Variants in PRKN observed in about 807,000 individuals in gnomAD.
PRKN encodes the protein E3 ubiquitin-protein ligase parkin.
In PRKN, 56 loss-of-function variants were observed where a neutral mutation model predicts 59.5. That is an observed-to-expected ratio of 0.94 (90% CI 0.76 to 1.18). The LOEUF is 1.18. PRKN is among the 50% of genes most tolerant of loss of function. The probability of loss-of-function intolerance (pLI) is 0.00; values close to 1 mark genes in which losing one functional copy is unlikely to be tolerated. For missense variants in PRKN, 657 were observed against 596.4 expected (o/e 1.10, Z -1.06); for synonymous variants, 250 against 222.1 (o/e 1.13, Z -1.12).
rs959188620 is a variant in PRKN at position 161,348,413 on chromosome 6, A to G, written c.*1686T>C. On this transcript the variant is annotated 3_prime_UTR_variant, in exon 12 of 12. Coordinates refer to ENST00000366898, the MANE Select transcript of PRKN (RefSeq NM_004562.3). This position sits in a 1 kb window ranked among gnomAD's most constrained non-coding sequence, Gnocchi z 4.9. ...ACAGGTCTGTTGTCACCGTGGGGCCATGTTGGAGTCGGTAGATTTTCAGAC... is the reference window on the plus strand; with the variant it reads ...ACAGGTCTGTTGTCACCGTGGGGCCGTGTTGGAGTCGGTAGATTTTCAGAC... The G allele has an allele frequency of 4.5e-6, 1 of 223,846 alleles. No homozygotes were observed. Among genetic ancestry groups the G allele is most frequent in the South Asian group, 1.8e-4 (1 of 5,438 alleles). The allele number at this position is 223,846 out of a possible 1,614,324, so 13.9% of individuals were successfully genotyped here.
At chr6:161,350,613 A>T (rs1276883202) in intron 11 of PRKN, among the ~76,000 whole-genome samples, 5 of 116,856 alleles carry the variant, frequency 4.3e-5, no homozygotes, top group Non-Finnish European at 6.4e-5. Flanking sequence ...TTATATTTAA[A>T]ATATATATAT....
At chr6:162,481,197 A>C in intron 1 of PRKN, among the ~76,000 whole-genome samples, 1 of 152,134 alleles carries the variant, frequency 6.6e-6, no homozygotes, top group South Asian at 2.1e-4. Context: ...GGAAAAGTGA[A>C]GCTTTCAAAA....
chr6:162,095,004 A>G (rs555278872), intron 4 of PRKN, among the ~76,000 whole-genome samples: 1 of 152,252 alleles, frequency 6.6e-6, no homozygotes, highest in Non-Finnish European at 1.5e-5. Flanking sequence ...GGGTACATGG[A>G]CAGTCACACA....
chr6:162,411,760 T>C (rs1057403092), intron 2 of PRKN, among the ~76,000 whole-genome samples: 8 of 152,150 alleles, frequency 5.3e-5, no homozygotes, highest in Non-Finnish European at 7.3e-5. Flanking sequence ...AATATAACCA[T>C]TGAAGCAAAC....
chr6:161,829,103 G>A (rs551715828), intron 6 of PRKN, among the ~76,000 whole-genome samples: 1 of 152,240 alleles, frequency 6.6e-6, no homozygotes, highest in African/African-American at 2.4e-5. Context: ...GCATGTGCCT[G>A]TAATCCCAGC....
intron 2 of PRKN, among the ~76,000 whole-genome samples, chr6:162,351,809 T>C (rs1441402732): frequency 6.6e-6 from 1 of 152,138 alleles, no homozygotes; most frequent in Non-Finnish European, 1.5e-5. Context: ...AAAATGTATA[T>C]ACCCTGAGGT....
intron 2 of PRKN, among the ~76,000 whole-genome samples, chr6:162,373,013 T>G (rs1785856258): frequency 6.6e-6 from 1 of 152,088 alleles, no homozygotes; most frequent in Non-Finnish European, 1.5e-5. Context: ...CAGGAGTACT[T>G]TTTCAGGTCA....
rs1789575159 is a variant in PRKN, at chr6:161,448,106, T to C, written c.1084-61229A>G. Among the ~76,000 whole-genome samples, 1 of 152,166 alleles carries C rather than the reference T, an allele frequency of 6.6e-6. No individual in the cohort carries two copies. The highest frequency in any genetic ancestry group is 1.5e-5 in the Non-Finnish European group (1 of 68,020). Reference sequence around the variant, plus strand: ...GTGAAGTCAACAGTAGCCAATCAAATCTTACATCTGTGTGTTAGCCGTTGT... The same window carrying C: ...GTGAAGTCAACAGTAGCCAATCAAACCTTACATCTGTGTGTTAGCCGTTGT... On this transcript the variant is annotated intron_variant, in intron 9 of 11. Coordinates refer to ENST00000366898, the MANE Select transcript of PRKN (RefSeq NM_004562.3). This position sits in a 1 kb window ranked among gnomAD's most constrained non-coding sequence, Gnocchi z 5.1.
At chr6:161,898,595 T>C (rs1583316615) in intron 6 of PRKN, among the ~76,000 whole-genome samples, 2 of 152,174 alleles carry the variant, frequency 1.3e-5, no homozygotes, top group African/African-American at 4.8e-5. Context: ...TAAATGGATG[T>C]TTTCAAAGCT....
At chr6:161,924,263 CT>C (rs1283065017) in intron 6 of PRKN, among the ~76,000 whole-genome samples, 1 of 152,180 alleles carries the variant, frequency 6.6e-6, no homozygotes, top group Non-Finnish European at 1.5e-5. Flanking sequence ...CGGGCCTCAT[CT>C]TTAACCTCAC....
chr6:161,807,071 T>C lies in PRKN; in HGVS notation c.735-21163A>G, dbSNP rs376419601. ...AACTTTAAAAATAGTCTAAAGGTAC[T>C]AAAAATGATTTCATGTTTTTCTCAG... On this transcript the variant is annotated intron_variant, in intron 6 of 11. Coordinates refer to ENST00000366898, the MANE Select transcript of PRKN (RefSeq NM_004562.3). Among the ~76,000 whole-genome samples the C allele has an allele frequency of 8.5e-5, 13 of 152,228 alleles. No individual in the cohort carries two copies. The East Asian group carries it at 9.6e-4, about 11-fold the overall frequency.
chr6:161,404,593 G>C (rs531348077), intron 9 of PRKN, among the ~76,000 whole-genome samples: 1 of 152,314 alleles, frequency 6.6e-6, no homozygotes, highest in Admixed American at 6.5e-5. Flanking sequence ...TCAAAATTAA[G>C]AGAACAAAAA....
intron 1 of PRKN, among the ~76,000 whole-genome samples, chr6:162,474,971 C>A (rs187132251): frequency 1.3e-5 from 2 of 152,202 alleles, no homozygotes; most frequent in East Asian, 1.9e-4. Flanking sequence ...AAAATGAAAT[C>A]GATTTTTTAA....
At chr6:162,580,319 TC>T (rs1168721201) in intron 1 of PRKN, among the ~76,000 whole-genome samples, 1 of 151,782 alleles carries the variant, frequency 6.6e-6, no homozygotes, top group African/African-American at 2.4e-5. Flanking sequence ...ATGCCTGCAG[TC>T]CCGGCTACTT....
chr6:161,690,423 G>C (rs1201180537), intron 7 of PRKN, among the ~76,000 whole-genome samples: 1 of 152,214 alleles, frequency 6.6e-6, no homozygotes, highest in Non-Finnish European at 1.5e-5. Context: ...CTTACAAGAG[G>C]AAGAATCTGG....
In PRKN at chr6:162,358,249, T is replaced by G. The variant is rs76050657; in HGVS notation, c.171+85061A>C. Among the ~76,000 whole-genome samples the G allele has an allele frequency of 1.1e-3, 174 of 152,314 alleles. 2 individuals carry two copies. Among genetic ancestry groups the G allele is most frequent in the African/African-American group, 4.1e-3 (170 of 41,574 alleles). ...CCTAAAATTACAGACAAAAGTTAGT[T>G]TATGAATTTTAATAAACAGTTTGGA... On this transcript the variant is annotated intron_variant, in intron 2 of 11. Coordinates refer to ENST00000366898, the MANE Select transcript of PRKN (RefSeq NM_004562.3).
rs1051925869 is a variant in PRKN, at chr6:161,363,757, C to G, written c.1168-3552G>C. ...ATCTTCAAAGCACTGACAGAAAATA[C>G]CAGCCCACTTAGAATTCTATCCAAG... On this transcript the variant is annotated intron_variant, in intron 10 of 11. Coordinates refer to ENST00000366898, the MANE Select transcript of PRKN (RefSeq NM_004562.3). This position sits in a 1 kb window ranked among gnomAD's most constrained non-coding sequence, Gnocchi z 4.1. 1.3e-5 allele frequency among the ~76,000 whole-genome samples: 2 copies of G among 152,128 alleles called. No individual in the cohort carries two copies. Among genetic ancestry groups the G allele is most frequent in the African/African-American group, 4.8e-5 (2 of 41,412 alleles).
chr6:161,454,826 C>T lies in PRKN; in HGVS notation c.1084-67949G>A, dbSNP rs1035461350. 2.6e-5 allele frequency among the ~76,000 whole-genome samples: 4 copies of T among 152,122 alleles called. No homozygotes were observed. The highest frequency in any genetic ancestry group is 7.2e-5 in the African/African-American group (3 of 41,418). Reference sequence around the variant, plus strand: ...CATCTAGGTCACTGCTGAGACATCACCTCTCCAGTAAAACCATCTAGCCTG... The same window carrying T: ...CATCTAGGTCACTGCTGAGACATCATCTCTCCAGTAAAACCATCTAGCCTG... On this transcript the variant is annotated intron_variant, in intron 9 of 11. Transcript: ENST00000366898. The surrounding 1 kb of genome is among the most constrained non-coding windows in gnomAD (Gnocchi z 4.6).
At chr6:161,931,874 T>G (rs949965923) in intron 6 of PRKN, among the ~76,000 whole-genome samples, 1 of 152,170 alleles carries the variant, frequency 6.6e-6, no homozygotes, top group Non-Finnish European at 1.5e-5. Flanking sequence ...CACAAAACTG[T>G]GATTTCAAGA....
Sources: gnomAD v4.1 joint callset for allele counts (sites outside exome capture counted in the v4.1 genomes callset) on GRCh38, gnomAD v4.1.1 for gene constraint, Gnocchi (gnomAD v3.1) non-coding constraint, MANE v1.5 for transcripts, NCBI Gene and HGNC (gene_info 2026-07-23, HGNC 2026-07-21) for gene names.